WWP2: variants seen among roughly 807,000 people sequenced by gnomAD.
WWP2 encodes the protein NEDD4-like E3 ubiquitin-protein ligase WWP2.
In WWP2, 57 loss-of-function variants were observed where a neutral mutation model predicts 121.0. The observed-to-expected ratio is 0.47, with a 90% CI of 0.38 to 0.59. The LOEUF (loss-of-function observed/expected upper bound fraction) is 0.59. Ranked by LOEUF, WWP2 falls within the 20% of genes least tolerant of loss-of-function variation. The pLI is 0.00. For missense variants in WWP2, 962 were observed against 1,158.9 expected (o/e 0.83, Z 2.47); for synonymous variants, 449 against 441.3 (o/e 1.02, Z -0.22).
At position 69,864,784 on chromosome 16, in the gene WWP2, C is replaced by T. The variant is rs571958214; in HGVS notation, c.576-7020C>T. Among the ~76,000 whole-genome samples the T allele has an allele frequency of 4.7e-5, 7 of 150,464 alleles. No homozygotes were observed. In the South Asian group the frequency reaches 1.3e-3, roughly 27 times the overall value. ...TCACCCAGGCTGGAGTGCAATGGCT[C>T]GATTTTTAATAGAGAAGGGGTTTCA... On this transcript the variant is annotated intron_variant, in intron 6 of 23. Transcript: ENST00000359154.
At chr16:69,842,733 C>T (rs777443262) in intron 6 of WWP2, among the ~76,000 whole-genome samples, 16 of 152,018 alleles carry the variant, frequency 1.1e-4, no homozygotes, top group Non-Finnish European at 2.2e-4. Flanking sequence ...GCTATGGCAC[C>T]ATCACAGCTC....
At chr16:69,931,370 T>C (rs2058708988) in intron 14 of WWP2, 139 bp from the exon 15 acceptor site, 2 of 1,466,048 alleles carry the variant, frequency 1.4e-6, no homozygotes, top group South Asian at 1.2e-5. Context: ...TGGCTGTCTC[T>C]AGGAAGCTAG....
intron 4 of WWP2, among the ~76,000 whole-genome samples, chr16:69,823,495 A>T (rs2056629679): frequency 6.9e-6 from 1 of 145,278 alleles, no homozygotes; most frequent in African/African-American, 2.6e-5. Context: ...TTTGAGGTGG[A>T]GCCTTGCTTT....
intron 6 of WWP2, among the ~76,000 whole-genome samples, chr16:69,865,922 G>C (rs1209686717): frequency 2.6e-5 from 4 of 152,210 alleles, no homozygotes; most frequent in Non-Finnish European, 5.9e-5. Flanking sequence ...AGGGAAGGCA[G>C]CGTGAGGCCA....
chr16:69,911,091 A>G (rs904587276), intron 9 of WWP2, among the ~76,000 whole-genome samples: 4 of 152,226 alleles, frequency 2.6e-5, no homozygotes, highest in Non-Finnish European at 4.4e-5. Context: ...AGTATTAACC[A>G]TGGTGAAAAC....
chr16:69,925,212 C>G lies in WWP2; in HGVS notation c.1180-218C>G. The stretch of plus-strand genomic sequence containing the variant: ...CTTTTCCAAAACTCACTTGGGCCCT[C>G]CGTGCGCAGGGTTCTTTTTTGGTTT... On this transcript the variant is annotated intron_variant, in intron 10 of 23. Coordinates refer to ENST00000359154, the MANE Select transcript of WWP2 (RefSeq NM_001270454.2). The surrounding 1 kb of genome is among the most constrained non-coding windows in gnomAD (Gnocchi z 4.0). 1 of 1,400,514 alleles carries G rather than the reference C, an allele frequency of 7.1e-7. No individual in the cohort carries two copies. The highest frequency in any genetic ancestry group is 9.3e-7 in the Non-Finnish European group (1 of 1,077,282). 86.8% of individuals were successfully genotyped at this position (1,400,514 alleles called of 1,614,324 possible).
chr16:69,853,793 A>AG (rs1001409052), intron 6 of WWP2, among the ~76,000 whole-genome samples: 3 of 152,148 alleles, frequency 2.0e-5, no homozygotes, highest in Non-Finnish European at 4.4e-5. Context: ...GTAAGGAGGG[A>AG]GGGGGGTACT....
chr16:69,918,030 C>G, intron 10 of WWP2, 147 bp downstream of exon 10: 1 of 1,080,308 alleles, frequency 9.3e-7, no homozygotes, highest in Non-Finnish European at 1.3e-6. Context: ...TTTTACTCAT[C>G]ACAGTGAAAT....
chr16:69,841,863 G>T (rs770283027), intron 5 of WWP2, among the ~76,000 whole-genome samples, 161 bp from the exon 6 acceptor site: 15 of 152,148 alleles, frequency 9.9e-5, no homozygotes, highest in Non-Finnish European at 1.6e-4. Context: ...GATCGTCCCT[G>T]TTCCTCTTCT....
At chr16:69,795,263 C>T (rs868074305) in intron 2 of WWP2, among the ~76,000 whole-genome samples, 9 of 138,364 alleles carry the variant, frequency 6.5e-5, no homozygotes, top group African/African-American at 2.6e-4. Flanking sequence ...TGCGGATACA[C>T]ACACACACAC....
rs1050135136 is a variant in WWP2, at chr16:69,874,017, C to A, written c.703+2086C>A. On this transcript the variant is annotated intron_variant, in intron 7 of 23. Coordinates refer to ENST00000359154, the MANE Select transcript of WWP2 (RefSeq NM_001270454.2). ...GCCAGCCGTGTCTTCAAAAGCCAGG[C>A]GTCTCTAACCTTGGACTGCCTTGGA... Among the ~76,000 whole-genome samples, 53 of 152,100 alleles carry A rather than the reference C, an allele frequency of 3.5e-4. 1 individual carries two copies.
Position 69,810,427 on chromosome 16 carries a change from CT to C in WWP2, c.340+11148del, listed in dbSNP as rs773074583. On this transcript the variant is annotated intron_variant, in intron 4 of 23. Transcript: ENST00000359154. ...TGTTGCCAGTTCAGTTTTTTAACATCTTTTTTTTTTTTTTTTGAGACGGAGT... is the reference window on the plus strand; with the variant it reads ...TGTTGCCAGTTCAGTTTTTTAACATCTTTTTTTTTTTTTTTGAGACGGAGT... 8.9e-3 allele frequency among the ~76,000 whole-genome samples: 1,243 copies of C among 140,344 alleles called. 9 individuals are homozygous for C. Among genetic ancestry groups the C allele is most frequent in the Middle Eastern group, 0.048 (13 of 272 alleles). 92.1% of individuals were successfully genotyped at this position (140,344 alleles called of 152,430 possible). A position where few individuals can be genotyped will look rare whatever the true frequency, so the allele number is the denominator to read the frequency against.
intron 8 of WWP2, 63 bp downstream of exon 8, chr16:69,888,312 G>T (rs2057964216): frequency 6.5e-7 from 1 of 1,531,348 alleles, no homozygotes; most frequent in East Asian, 2.3e-5. Flanking sequence ...CCTTTACGGG[G>T]GTGGAAACAA....
intron 7 of WWP2, among the ~76,000 whole-genome samples, chr16:69,887,833 C>T (rs1048607375): frequency 1.1e-4 from 17 of 152,128 alleles, no homozygotes; most frequent in African/African-American, 4.1e-4. Context: ...ATATTTATTT[C>T]GGATTCATCC....
chr16:69,928,628 GCCAGGCACGGTGGCTTATTGCCTGTAATC>G (rs2058670668), intron 11 of WWP2, among the ~76,000 whole-genome samples: 2 of 152,164 alleles, frequency 1.3e-5, no homozygotes, highest in African/African-American at 2.4e-5. Context: ...GGATAGGCAG[GCCAGGCACGGTGGCTTATTGCCTGTAATC>G]CCAGTACTTT....
At position 69,933,971 on chromosome 16, in the gene WWP2, G is replaced by A; in HGVS notation, c.1684G>A (p.Glu562Lys). 1 of 1,613,564 alleles carries A rather than the reference G, an allele frequency of 6.2e-7. No homozygotes were observed. The highest frequency in any genetic ancestry group is 8.5e-7 in the Non-Finnish European group (1 of 1,179,550). ...TCTTTTCTGTCTCTTCCCTCACAGA[G>A]AGTGGTTTTTCCTCCTGTCTCATGA... ...EGLDYGGIAR[E>K]WFFLLSHEVL... Residue 562 changes from glutamate to lysine, a missense_variant and splice_region_variant, in exon 17 of 24, where the codon GAG becomes AAG. Around this residue, in one of 3 missense-constraint regions of WWP2, gnomAD observed 606 missense variants for 772.6 expected, o/e 0.78. Coordinates refer to ENST00000359154, the MANE Select transcript of WWP2 (RefSeq NM_001270454.2).
chr16:69,937,502 C>T lies in WWP2; in HGVS notation c.2239-46C>T, dbSNP rs766154808. The T allele has an allele frequency of 9.4e-6, 15 of 1,592,636 alleles. No individual in the cohort carries two copies. The highest frequency in any genetic ancestry group is 6.7e-5 in the East Asian group (3 of 44,810). ...GTCAAGTGCTAGCGAGTGGACGATG[C>T]GCGGGGAGGGACCTGCCGGGGATGC... On this transcript the variant is annotated intron_variant, in intron 20 of 23. Transcript: ENST00000359154. The surrounding 1 kb of genome is among the most constrained non-coding windows in gnomAD (Gnocchi z 6.6).
intron 4 of WWP2, among the ~76,000 whole-genome samples, chr16:69,822,874 C>T (rs1269131268): frequency 6.6e-6 from 1 of 152,190 alleles, no homozygotes; most frequent in Non-Finnish European, 1.5e-5. Context: ...CCGTGGCTCA[C>T]GCCTGCAATC....
chr16:69,884,861 C>G (rs982523174), intron 7 of WWP2, among the ~76,000 whole-genome samples: 2 of 152,086 alleles, frequency 1.3e-5, no homozygotes, highest in Non-Finnish European at 2.9e-5. Flanking sequence ...GGAGGTTTCT[C>G]TTTACAGAAG....
Sources: gnomAD v4.1 joint callset for allele counts (sites outside exome capture counted in the v4.1 genomes callset) on GRCh38, gnomAD v4.1.1 for gene constraint, gnomAD v4.1.1 regional missense constraint, Gnocchi (gnomAD v3.1) non-coding constraint, MANE v1.5 for transcripts, NCBI Gene and HGNC (gene_info 2026-07-23, HGNC 2026-07-21) for gene names.